The following ANKRD31 variants were observed in gnomAD, a reference collection of about 807,000 sequenced individuals.
ANKRD31 encodes the protein ankyrin repeat domain-containing protein 31.
Under a neutral mutation model 186.0 loss-of-function variants are expected in ANKRD31, and 147 were observed. That is an observed-to-expected ratio of 0.79 (90% CI 0.69 to 0.91). The LOEUF is 0.91. Among genes scored for constraint, ANKRD31 ranks in the 40% least tolerant of loss-of-function variants. ANKRD31 has a pLI of 0.00. For missense variants in ANKRD31, 1,986 were observed against 2,148.8 expected (o/e 0.92, Z 1.50); for synonymous variants, 673 against 736.4 (o/e 0.91, Z 1.39).
intron 2 of ANKRD31, among the ~76,000 whole-genome samples, chr5:75,228,298 C>T (rs1303703216): frequency 2.0e-5 from 3 of 152,080 alleles, no homozygotes; most frequent in African/African-American, 7.2e-5. Flanking sequence ...CATAAAAATC[C>T]TTGCATGCCT....
intron 2 of ANKRD31, among the ~76,000 whole-genome samples, chr5:75,230,298 T>G (rs1237513648): frequency 6.6e-6 from 1 of 152,240 alleles, no homozygotes; most frequent in African/African-American, 2.4e-5. Context: ...TAATCTTTCT[T>G]GAATGTATGT....
chr5:75,203,556 A>T (rs769812200), intron 5 of ANKRD31, among the ~76,000 whole-genome samples: 1 of 151,570 alleles, frequency 6.6e-6, no homozygotes, highest in Non-Finnish European at 1.5e-5. Flanking sequence ...CCAGCTACTC[A>T]GGAGGCTGAG....
chr5:75,140,262 G>GGAAA (rs1319475382), intron 15 of ANKRD31, among the ~76,000 whole-genome samples: 1 of 38,528 alleles, frequency 2.6e-5, no homozygotes, highest in Non-Finnish European at 3.9e-5. Flanking sequence ...AAGGAAGGAA[G>GGAAA]GAAGGAAAGA....
intron 25 of ANKRD31, among the ~76,000 whole-genome samples, chr5:75,072,537 T>C (rs1348149265): frequency 6.6e-6 from 1 of 152,182 alleles, no homozygotes; most frequent in African/African-American, 2.4e-5. Flanking sequence ...ATGCTACGGA[T>C]CCAGACTTCT....
intron 22 of ANKRD31, among the ~76,000 whole-genome samples, chr5:75,098,340 A>T (rs1198053897): frequency 3.3e-5 from 5 of 151,990 alleles, no homozygotes; most frequent in Admixed American, 1.3e-4. Context: ...GTAGCCTTGT[A>T]GTATACTTTG....
intron 10 of ANKRD31, among the ~76,000 whole-genome samples, chr5:75,173,854 T>A (rs1934610247): frequency 6.6e-6 from 1 of 151,774 alleles, no homozygotes; most frequent in Non-Finnish European, 1.5e-5. Context: ...TACCAATGAC[T>A]CTTCACAGAA....
At chr5:75,174,322 A>AG (rs1753594806) in intron 10 of ANKRD31, among the ~76,000 whole-genome samples, 1 of 152,212 alleles carries the variant, frequency 6.6e-6, no homozygotes, top group African/African-American at 2.4e-5. Flanking sequence ...GGCATTGGCA[A>AG]AACTTCATGA....
At position 75,137,960 on chromosome 5, in the gene ANKRD31, T is replaced by A; in HGVS notation, c.3772A>T (p.Ile1258Phe). ...PLHEASNEGS[I>F]DIIVELLKAG... ...TTTAATAACTCTACAATTATATCAA[T>A]AGATCCTTCATTAGATGCCTCATGA... The change falls in exon 17 of 26, where the codon ATT (isoleucine) becomes TTT (phenylalanine). Residue 1258 changes from isoleucine to phenylalanine, a missense_variant. Physicochemically the swap from Ile to Phe is conservative, Grantham distance 21. Transcript: ENST00000506364. The A allele has an allele frequency of 1.3e-6, 2 of 1,527,118 alleles. No homozygotes were observed. The highest frequency in any genetic ancestry group is 8.7e-7 in the Non-Finnish European group (1 of 1,143,294). The allele number at this position is 1,527,118 out of a possible 1,614,324, so 94.6% of individuals were successfully genotyped here. A position where few individuals can be genotyped will look rare whatever the true frequency, so the allele number is the denominator to read the frequency against.
At chr5:75,167,566 T>C (rs1043734588) in intron 11 of ANKRD31, among the ~76,000 whole-genome samples, 1 of 152,222 alleles carries the variant, frequency 6.6e-6, no homozygotes, top group Non-Finnish European at 1.5e-5. Context: ...CAAGAGCATA[T>C]GAACCACAGG....
chr5:75,194,573 T>C (rs983998741), intron 7 of ANKRD31, among the ~76,000 whole-genome samples: 2 of 152,104 alleles, frequency 1.3e-5, no homozygotes, highest in Non-Finnish European at 2.9e-5. Context: ...CACAGAAACA[T>C]TTTGGTAATC....
intron 22 of ANKRD31, among the ~76,000 whole-genome samples, chr5:75,101,282 G>A (rs1746854038): frequency 6.6e-6 from 1 of 152,054 alleles, no homozygotes; most frequent in Admixed American, 6.6e-5. Context: ...TAGAGTTTCT[G>A]CCAAGAGATC....
In ANKRD31 at chr5:75,107,571, A is replaced by G; in HGVS notation, c.4290T>C (p.Asn1430=). The part of the protein sequence containing the change: ...KMLKIKKIMD[N]VLAKQKAERD... ...TTTCTGCTTTCTGCTTGGCAAGCAC[A>G]TTATCCATAATCTTTTTTATCTTTA... The change falls in exon 21 of 26, where the codon AAT becomes AAC. Residue 1430 remains asparagine, a synonymous_variant. Transcript: ENST00000506364. 2 of 1,532,906 alleles carry G rather than the reference A, an allele frequency of 1.3e-6. No homozygotes were observed. Among genetic ancestry groups the G allele is most frequent in the Non-Finnish European group, 1.7e-6 (2 of 1,144,574 alleles). The allele number at this position is 1,532,906 out of a possible 1,614,324, so 95.0% of individuals were successfully genotyped here. A position where few individuals can be genotyped will look rare whatever the true frequency, so the allele number is the denominator to read the frequency against.
At chr5:75,143,641 T>C (rs1030906250) in intron 15 of ANKRD31, among the ~76,000 whole-genome samples, 6 of 152,162 alleles carry the variant, frequency 3.9e-5, no homozygotes, top group African/African-American at 1.4e-4. Context: ...AACAAACTAA[T>C]GGCTATGTTT....
At chr5:75,134,693 C>T (rs1750404265) in intron 17 of ANKRD31, among the ~76,000 whole-genome samples, 1 of 152,094 alleles carries the variant, frequency 6.6e-6, no homozygotes, top group South Asian at 2.1e-4. Context: ...ATACCAAAGC[C>T]TGTTGTGTCT....
rs560743499 is a variant in ANKRD31 at position 75,170,025 on chromosome 5, T to C, written c.1565-904A>G. Among the ~76,000 whole-genome samples, 58 of 152,150 alleles carry C rather than the reference T, an allele frequency of 3.8e-4. 1 individual carries two copies. The South Asian group carries it at 4.8e-3, about 13-fold the overall frequency. On this transcript the variant is annotated intron_variant, in intron 10 of 25. Transcript: ENST00000506364. ...TTTCTCCTATAGTATTATTACTGAGTTTTGACGAAGAAATGAAGAGACCCC... is the reference window on the plus strand; with the variant it reads ...TTTCTCCTATAGTATTATTACTGAGCTTTGACGAAGAAATGAAGAGACCCC...
chr5:75,199,303 C>A (rs916677326), intron 6 of ANKRD31, among the ~76,000 whole-genome samples: 2 of 152,078 alleles, frequency 1.3e-5, no homozygotes, highest in African/African-American at 4.8e-5. Context: ...TCCATAGCAC[C>A]AAGTAAAAAG....
intron 13 of ANKRD31, among the ~76,000 whole-genome samples, chr5:75,148,010 G>C (rs1416300287): frequency 6.6e-6 from 1 of 151,796 alleles, no homozygotes; most frequent in African/African-American, 2.4e-5. Context: ...AAATGCTTTA[G>C]AAACACTCTC....
intron 8 of ANKRD31, 144 bp from the exon 9 acceptor site, chr5:75,192,920 G>A: frequency 1.5e-6 from 1 of 656,730 alleles, no homozygotes; most frequent in Non-Finnish European, 2.5e-6. Context: ...TTTAAATACG[G>A]AGATGGCTCC....
At chr5:75,069,188 G>A (rs1327223115) in intron 25 of ANKRD31, among the ~76,000 whole-genome samples, 1 of 152,160 alleles carries the variant, frequency 6.6e-6, no homozygotes, top group Non-Finnish European at 1.5e-5. Flanking sequence ...GAGGAGTGAT[G>A]ATAAAGAGGG....
Sources: allele counts gnomAD v4.1 joint callset (sites outside exome capture counted in the v4.1 genomes callset), GRCh38; gene constraint gnomAD v4.1.1; transcripts MANE v1.5; gene names NCBI Gene and HGNC (gene_info 2026-07-23, HGNC 2026-07-21).